SORCS1: variants seen among roughly 807,000 people sequenced by gnomAD.
The protein encoded by SORCS1 is VPS10 domain-containing receptor SorCS1.
A neutral mutation model predicts 146.1 loss-of-function variants in SORCS1; 60 were observed. That is an observed-to-expected ratio of 0.41 (90% CI 0.33 to 0.51). The LOEUF (loss-of-function observed/expected upper bound fraction) is 0.51, where lower values mean the gene tolerates loss of function less well. SORCS1 is among the 20% of genes least tolerant of loss of function. The pLI, the probability that SORCS1 is intolerant of heterozygous loss-of-function variation, is 0.21. For synonymous variants in SORCS1, 637 were observed against 584.0 expected, an observed-to-expected ratio of 1.09 and a Z score of -1.31; for missense variants, 1,352 against 1,487.6, an observed-to-expected ratio of 0.91 and a Z score of 1.50.
intron 1 of SORCS1, among the ~76,000 whole-genome samples, chr10:107,014,250 C>T (rs1239343956): frequency 7.3e-5 from 7 of 95,474 alleles, no homozygotes; most frequent in Admixed American, 5.3e-4. Context: ...GGAGACCCTG[C>T]GTCAAAAAAA....
At chr10:107,030,342 T>C (rs1458311607) in intron 1 of SORCS1, among the ~76,000 whole-genome samples, 1 of 152,212 alleles carries the variant, frequency 6.6e-6, no homozygotes, top group Non-Finnish European at 1.5e-5. Context: ...GTAGGCATTA[T>C]TTTTGTCCCT....
At chr10:107,028,095 AATTGAATT>A (rs1446864339) in intron 1 of SORCS1, among the ~76,000 whole-genome samples, 2 of 152,214 alleles carry the variant, frequency 1.3e-5, no homozygotes, top group African/African-American at 4.8e-5. Flanking sequence ...ATCGCTCATG[AATTGAATT>A]AATGAGCAGT....
chr10:106,781,276 G>A (rs975781036), intron 3 of SORCS1, among the ~76,000 whole-genome samples: 11 of 152,040 alleles, frequency 7.2e-5, no homozygotes, highest in Admixed American at 3.9e-4. Flanking sequence ...CACCACCTCC[G>A]GGCATATACT....
At chr10:106,916,514 T>C (rs548398144) in intron 2 of SORCS1, among the ~76,000 whole-genome samples, 2 of 148,150 alleles carry the variant, frequency 1.3e-5, no homozygotes, top group Non-Finnish European at 3.0e-5. Flanking sequence ...TACATAATTA[T>C]GTATTATATA....
intron 1 of SORCS1, among the ~76,000 whole-genome samples, chr10:107,031,783 C>T (rs1030409215): frequency 1.3e-5 from 2 of 152,032 alleles, no homozygotes; most frequent in Non-Finnish European, 2.9e-5. Flanking sequence ...AAAATGACAT[C>T]CTCTCTGAGC....
intron 4 of SORCS1, among the ~76,000 whole-genome samples, chr10:106,772,392 AT>A (rs1860088020): frequency 6.6e-6 from 1 of 152,076 alleles, no homozygotes; most frequent in Non-Finnish European, 1.5e-5. Context: ...CAGCTTGCAG[AT>A]GGCAGATCTT....
chr10:106,779,375 A>G (rs899653898), intron 3 of SORCS1, among the ~76,000 whole-genome samples: 7 of 152,288 alleles, frequency 4.6e-5, no homozygotes, highest in African/African-American at 1.4e-4. Flanking sequence ...AAACAACTCC[A>G]TAAGACCTCT....
intron 2 of SORCS1, among the ~76,000 whole-genome samples, chr10:106,876,361 T>C (rs1280862745): frequency 1.3e-5 from 2 of 152,226 alleles, no homozygotes; most frequent in Non-Finnish European, 2.9e-5. Context: ...CCCTTGCATC[T>C]ACCAGGTTAT....
At chr10:106,837,179 A>G (rs1444868931) in intron 2 of SORCS1, among the ~76,000 whole-genome samples, 1 of 152,194 alleles carries the variant, frequency 6.6e-6, no homozygotes, top group African/African-American at 2.4e-5. Flanking sequence ...ACCTCTGAAG[A>G]ACTTCTAGCT....
the SORCS1 span, among the ~76,000 whole-genome samples, chr10:107,177,581 G>T: frequency 6.6e-6 from 1 of 152,084 alleles, no homozygotes. Context: ...TTTCAAAATT[G>T]CTAAAATAAT....
chr10:106,714,135 CAAAAAAAAAAAAAA>C (rs56275056), intron 6 of SORCS1, among the ~76,000 whole-genome samples: 1 of 53,086 alleles, frequency 1.9e-5, no homozygotes, highest in Non-Finnish European at 2.9e-5. Context: ...AACTCTGCCT[CAAAAAAAAAAAAAA>C]AAAAAAAAAA....
intron 3 of SORCS1, among the ~76,000 whole-genome samples, chr10:106,785,158 C>T (rs1945998079): frequency 6.6e-6 from 1 of 152,146 alleles, no homozygotes; most frequent in Admixed American, 6.5e-5. Flanking sequence ...TCTGAGCTCT[C>T]CTTATCTGTC....
At chr10:107,154,637 C>T (rs1217005834) in intron 1 of SORCS1, among the ~76,000 whole-genome samples, 2 of 152,094 alleles carry the variant, frequency 1.3e-5, no homozygotes, top group African/African-American at 4.8e-5. Flanking sequence ...TAGGACAGTG[C>T]CCCAATCTTC....
At chr10:106,736,602 T>TTAAAAAAAAAA (rs1433395056) in intron 5 of SORCS1, among the ~76,000 whole-genome samples, 3 of 38,756 alleles carry the variant, frequency 7.7e-5, no homozygotes, top group African/African-American at 2.1e-4. Context: ...TAACCCTGGT[T>TTAAAAAAAAAA]AAAAAAAAAA....
intron 2 of SORCS1, among the ~76,000 whole-genome samples, chr10:106,946,598 AC>A (rs1471423793): frequency 2.6e-5 from 4 of 152,226 alleles, no homozygotes; most frequent in African/African-American, 4.8e-5. Context: ...GCACTGTGGA[AC>A]TGTGAGTCAA....
chr10:107,081,909 T>C (rs1246143745), intron 1 of SORCS1, among the ~76,000 whole-genome samples: 1 of 152,212 alleles, frequency 6.6e-6, no homozygotes, highest in Non-Finnish European at 1.5e-5. Context: ...AAAAATTCTC[T>C]CTTTGTCTTT....
chr10:106,589,283 T>C (rs543846660), intron 24 of SORCS1, among the ~76,000 whole-genome samples: 1 of 152,328 alleles, frequency 6.6e-6, no homozygotes, highest in African/African-American at 2.4e-5. Context: ...TGTTGCCCCT[T>C]GCTTGCCCTC....
intron 1 of SORCS1, among the ~76,000 whole-genome samples, chr10:106,998,152 A>G (rs1401048079): frequency 6.6e-6 from 1 of 152,268 alleles, no homozygotes; most frequent in Non-Finnish European, 1.5e-5. Context: ...TCACATGTTT[A>G]TATCCGCTGC....
At chr10:106,679,229 G>A (rs376982386) in intron 12 of SORCS1, 27 bp downstream of exon 12, 43 of 1,580,762 alleles carry the variant, frequency 2.7e-5, no homozygotes, top group Non-Finnish European at 3.6e-5. Flanking sequence ...TTAAACTTCA[G>A]CGATTTGACC....
Sources: allele counts gnomAD v4.1 joint callset (sites outside exome capture counted in the v4.1 genomes callset), GRCh38; gene constraint gnomAD v4.1.1; transcripts MANE v1.5; gene names NCBI Gene and HGNC (gene_info 2026-07-23, HGNC 2026-07-21).